NRG2: variants seen among roughly 807,000 people sequenced by gnomAD.
NRG2 encodes the protein pro-neuregulin-2, membrane-bound isoform.
Under a neutral mutation model 73.9 loss-of-function variants are expected in NRG2, and 27 were observed. The ratio of observed to expected loss-of-function variants is 0.37; its 90% CI spans 0.27 to 0.50. The LOEUF is 0.50. Among genes scored for constraint, NRG2 ranks in the 20% least tolerant of loss-of-function variants. NRG2 has a pLI of 0.96. For synonymous variants in NRG2, 532 were observed against 541.0 expected, an observed-to-expected ratio of 0.98 and a Z score of 0.23; for missense variants, 1,126 against 1,210.1, an observed-to-expected ratio of 0.93 and a Z score of 1.03.
intron 1 of NRG2, among the ~76,000 whole-genome samples, chr5:139,962,636 C>A (rs780083699): frequency 6.7e-4 from 102 of 152,264 alleles, no homozygotes; most frequent in Non-Finnish European, 1.2e-3. Context: ...TGTGAAGTTA[C>A]ACAGGGGGCT....
At chr5:140,001,518 T>C (rs1358041331) in intron 1 of NRG2, among the ~76,000 whole-genome samples, 1 of 152,148 alleles carries the variant, frequency 6.6e-6, no homozygotes, top group Non-Finnish European at 1.5e-5. Context: ...TATAATTCAT[T>C]CTACAAATAA....
intron 6 of NRG2, among the ~76,000 whole-genome samples, chr5:139,855,425 C>G (rs936982368): frequency 7.2e-5 from 11 of 152,224 alleles, no homozygotes. Flanking sequence ...TCGTCTTCTT[C>G]CAAAGCCTGT....
intron 1 of NRG2, among the ~76,000 whole-genome samples, chr5:139,888,223 T>C (rs1305248201): frequency 6.6e-6 from 1 of 152,134 alleles, no homozygotes; most frequent in Non-Finnish European, 1.5e-5. Context: ...TCCAGTGGGA[T>C]AGTCCCTTAC....
At position 139,848,075 on chromosome 5, in the gene NRG2, G is replaced by T; in HGVS notation, c.2395C>A (p.Arg799Ser). The change falls in exon 10 of 10, where the codon CGT (arginine) becomes AGT (serine). Residue 799 changes from arginine (R) to serine (S), a missense_variant. Physicochemically the swap from Arg to Ser is moderately radical, Grantham distance 110. Coordinates refer to ENST00000361474, the MANE Select transcript of NRG2 (RefSeq NM_004883.3). ...GAGCGCAGCGCGTCGTGCGCCCCAC[G>T]CAGGCCCAGGAAAGGTGTGCTCTCG... ...AAESTPFLGL[R>S]GAHDALRSDS... The T allele has an allele frequency of 6.7e-7, 1 of 1,497,234 alleles. No homozygotes were observed. The highest frequency in any genetic ancestry group is 8.8e-7 in the Non-Finnish European group (1 of 1,130,418). 92.7% of individuals were successfully genotyped at this position (1,497,234 alleles called of 1,614,324 possible).
At chr5:139,943,893 A>G (rs1003737421) in intron 1 of NRG2, among the ~76,000 whole-genome samples, 1 of 152,224 alleles carries the variant, frequency 6.6e-6, no homozygotes, top group East Asian at 1.9e-4. Context: ...ACAAACAAAC[A>G]AACCCATAAA....
chr5:140,042,411 T>G lies in NRG2; in HGVS notation c.659A>C (p.Asn220Thr). ...AFAPLDTNGK[N>T]LKKEVGKILC... is the part of the protein sequence containing the mutation. ...GATCTTGCCCACCTCTTTCTTGAGA[T>G]TTTTGCCGTTGGTATCGAGGGGGGC... The change falls in exon 1 of 10, where the codon AAT (asparagine) becomes ACT (threonine). Residue 220 changes from asparagine to threonine, a missense_variant. Asn to Thr is a moderately conservative substitution (Grantham distance 65). Coordinates refer to ENST00000361474, the MANE Select transcript of NRG2 (RefSeq NM_004883.3). 1 of 1,600,958 alleles carries G rather than the reference T, an allele frequency of 6.2e-7. No homozygotes were observed. Among genetic ancestry groups the G allele is most frequent in the Non-Finnish European group, 8.5e-7 (1 of 1,173,400 alleles).
At position 139,887,642 on chromosome 5, in the gene NRG2, C is replaced by T. The variant is rs1241550821; in HGVS notation, c.701-131G>A. On this transcript the variant is annotated intron_variant, in intron 1 of 9. Coordinates refer to ENST00000361474, the MANE Select transcript of NRG2 (RefSeq NM_004883.3). This position sits in a 1 kb window ranked among gnomAD's most constrained non-coding sequence, Gnocchi z 4.5. ...GGAAGGGTGATCCTGAGAGCCACCC[C>T]TCCTAGTGTCATTTCCTAGTTCAAT... 8.6e-6 allele frequency: 6 copies of T among 695,896 alleles called. No homozygotes were observed. The African/African-American group carries it at 1.1e-4, about 12-fold the overall frequency. 43.1% of individuals were successfully genotyped at this position (695,896 alleles called of 1,614,324 possible). A position where few individuals can be genotyped will look rare whatever the true frequency, so the allele number is the denominator to read the frequency against.
rs1410638923 is a variant in NRG2 at position 139,887,586 on chromosome 5, G to A, written c.701-75C>T. On this transcript the variant is annotated intron_variant, in intron 1 of 9. Coordinates refer to ENST00000361474, the MANE Select transcript of NRG2 (RefSeq NM_004883.3). This position sits in a 1 kb window ranked among gnomAD's most constrained non-coding sequence, Gnocchi z 4.5. ...CCAAGCATGAGTAGTGGAGAGTAAG[G>A]GCCACTGTCTTTGGGCTGGAACTGG... The A allele has an allele frequency of 8.0e-6, 11 of 1,370,900 alleles. No individual in the cohort carries two copies. Among genetic ancestry groups the A allele is most frequent in the Non-Finnish European group, 1.0e-5 (10 of 979,260 alleles). The allele number at this position is 1,370,900 out of a possible 1,614,324, so 84.9% of individuals were successfully genotyped here. A position where few individuals can be genotyped will look rare whatever the true frequency, so the allele number is the denominator to read the frequency against.
intron 1 of NRG2, among the ~76,000 whole-genome samples, chr5:139,978,718 T>C (rs1756560177): frequency 6.6e-6 from 1 of 152,180 alleles, no homozygotes. Context: ...TTCACAATAT[T>C]GTGAGACTCT....
At chr5:139,958,454 A>C (rs538094759) in intron 1 of NRG2, among the ~76,000 whole-genome samples, 1 of 152,314 alleles carries the variant, frequency 6.6e-6, no homozygotes, top group Admixed American at 6.5e-5. Flanking sequence ...CCAAGTTTGA[A>C]GTCTTTGGAG....
chr5:139,854,519 T>C (rs1184510875), intron 6 of NRG2, among the ~76,000 whole-genome samples: 1 of 152,234 alleles, frequency 6.6e-6, no homozygotes, highest in Non-Finnish European at 1.5e-5. Context: ...GGCTTGCTTT[T>C]TCTCCAATTC....
chr5:140,032,876 A>G (rs1183149714), intron 1 of NRG2, among the ~76,000 whole-genome samples: 2 of 152,226 alleles, frequency 1.3e-5, no homozygotes, highest in African/African-American at 4.8e-5. Context: ...AAGAACCCCC[A>G]AATATATTAC....
chr5:139,866,475 G>T (rs1189226931), intron 4 of NRG2, among the ~76,000 whole-genome samples: 1 of 152,190 alleles, frequency 6.6e-6, no homozygotes, highest in East Asian at 1.9e-4. Flanking sequence ...AAGTTGGAGA[G>T]GAGCTGGAAT....
intron 3 of NRG2, among the ~76,000 whole-genome samples, chr5:139,877,430 T>A (rs529675929): frequency 3.7e-4 from 57 of 152,364 alleles, no homozygotes; most frequent in Non-Finnish European, 6.9e-4. Context: ...CCTGTAGCCC[T>A]GGTTTCCCTT....
intron 1 of NRG2, among the ~76,000 whole-genome samples, chr5:139,967,852 A>C (rs1042546464): frequency 6.6e-6 from 1 of 151,964 alleles, no homozygotes; most frequent in Non-Finnish European, 1.5e-5. Flanking sequence ...CCAGCTACTC[A>C]GGAGGCTGAG....
intron 1 of NRG2, among the ~76,000 whole-genome samples, chr5:140,022,443 C>T (rs187842948): frequency 1.2e-4 from 19 of 152,296 alleles, no homozygotes; most frequent in African/African-American, 4.6e-4. Flanking sequence ...CCTTTACAAG[C>T]TTTTTAATGC....
intron 1 of NRG2, among the ~76,000 whole-genome samples, chr5:140,031,010 A>G (rs1761102089): frequency 6.6e-6 from 1 of 152,190 alleles, no homozygotes; most frequent in Non-Finnish European, 1.5e-5. Context: ...GTTATGTCCA[A>G]AAGAATCCAA....
intron 1 of NRG2, among the ~76,000 whole-genome samples, chr5:139,890,783 G>A (rs1764168006): frequency 6.6e-6 from 1 of 152,048 alleles, no homozygotes; most frequent in Non-Finnish European, 1.5e-5. Flanking sequence ...GGCTCTTCAG[G>A]TGTGTTCCTT....
chr5:139,952,760 CGTGT>C (rs1440339174), intron 1 of NRG2, among the ~76,000 whole-genome samples: 4 of 151,828 alleles, frequency 2.6e-5, no homozygotes, highest in African/African-American at 7.3e-5. Flanking sequence ...TGGGGCGGTG[CGTGT>C]GTGTGTGCGT....
Sources: gnomAD v4.1 joint callset for allele counts (sites outside exome capture counted in the v4.1 genomes callset) on GRCh38, gnomAD v4.1.1 for gene constraint, Gnocchi (gnomAD v3.1) non-coding constraint, MANE v1.5 for transcripts, NCBI Gene and HGNC (gene_info 2026-07-23, HGNC 2026-07-21) for gene names.